Variants in TSPAN18 observed in about 807,000 individuals in gnomAD.
TSPAN18 encodes the protein tetraspanin-18.
In TSPAN18, 14 loss-of-function variants were observed where a neutral mutation model predicts 27.3. The ratio of observed to expected loss-of-function variants is 0.51; its 90% CI spans 0.34 to 0.80. The LOEUF is 0.80. TSPAN18 is among the 30% of genes least tolerant of loss of function. The pLI is 0.01. For missense variants in TSPAN18, 268 were observed against 323.9 expected (o/e 0.83, Z 1.32); for synonymous variants, 143 against 136.5 (o/e 1.05, Z -0.33).
chr11:44,759,155 G>A (rs1855395527), intron 1 of TSPAN18, among the ~76,000 whole-genome samples: 1 of 152,248 alleles, frequency 6.6e-6, no homozygotes, highest in Non-Finnish European at 1.5e-5. Context: ...AGTTGGCAAA[G>A]CAACTGCCCT....
intron 1 of TSPAN18, among the ~76,000 whole-genome samples, chr11:44,730,883 CA>C (rs1178159445): frequency 6.6e-6 from 1 of 152,202 alleles, no homozygotes; most frequent in African/African-American, 2.4e-5. Flanking sequence ...CTCGGCCTCC[CA>C]AAGTGCTGAG....
At chr11:44,743,187 A>T (rs892594755) in intron 1 of TSPAN18, among the ~76,000 whole-genome samples, 21 of 152,116 alleles carry the variant, frequency 1.4e-4, no homozygotes, top group African/African-American at 5.1e-4. Flanking sequence ...CTGGGCACAT[A>T]CGAATGCACT....
chr11:44,790,393 G>A (rs1228314222), intron 2 of TSPAN18, among the ~76,000 whole-genome samples: 1 of 149,430 alleles, frequency 6.7e-6, no homozygotes, highest in Non-Finnish European at 1.5e-5. Flanking sequence ...GTGTGCATGT[G>A]CTCTTGCTTG....
chr11:44,871,789 G>A (rs1858203215), intron 3 of TSPAN18, among the ~76,000 whole-genome samples: 1 of 152,206 alleles, frequency 6.6e-6, no homozygotes, highest in South Asian at 2.1e-4. Flanking sequence ...CTGCACACCT[G>A]CCTCAGGGAT....
chr11:44,898,412 G>A (rs1859142922), intron 3 of TSPAN18, among the ~76,000 whole-genome samples: 1 of 152,242 alleles, frequency 6.6e-6, no homozygotes, highest in Admixed American at 6.5e-5. Flanking sequence ...AGTTACACAA[G>A]AGCTGGATCT....
Position 44,769,577 on chromosome 11 carries a change from T to C in TSPAN18, c.-153+5065T>C, listed in dbSNP as rs191497749. On this transcript the variant is annotated intron_variant, in intron 2 of 9. Transcript: ENST00000520358. ...TGATTAGATTTCTTTAATATTAAGA[T>C]TGTCAATTTCTTTTTTGTGTGTGAG... is the stretch of plus-strand genomic sequence containing the variant. Among the ~76,000 whole-genome samples, 150 of 152,324 alleles carry C rather than the reference T, an allele frequency of 9.8e-4. 1 individual carries two copies. Among genetic ancestry groups the C allele is most frequent in the Non-Finnish European group, 4.4e-5 (3 of 68,028 alleles).
At chr11:44,904,741 C>T (rs1590662650) in intron 3 of TSPAN18, among the ~76,000 whole-genome samples, 6 of 152,334 alleles carry the variant, frequency 3.9e-5, no homozygotes, top group Admixed American at 3.9e-4. Context: ...CACCGCTCTG[C>T]TCCATCTGTT....
At chr11:44,765,149 G>A (rs1855537932) in intron 2 of TSPAN18, among the ~76,000 whole-genome samples, 2 of 152,144 alleles carry the variant, frequency 1.3e-5, no homozygotes, top group Admixed American at 1.3e-4. Flanking sequence ...AGCAGCCTCA[G>A]CCACCAATGT....
intron 2 of TSPAN18, among the ~76,000 whole-genome samples, chr11:44,829,893 G>A (rs906616953): frequency 2.6e-5 from 4 of 152,146 alleles, no homozygotes; most frequent in Admixed American, 1.3e-4. Flanking sequence ...GTATCATACT[G>A]TATGAAAAAG....
rs1465131480 is a variant in TSPAN18, at chr11:44,931,013, G to GC, written c.*1837dup. ...TGCGTCTGCCCCCTTCTGAGATGCA[G>GC]CCAGAAGCTCTGTGCCTGCTGCAAA... On this transcript the variant is annotated 3_prime_UTR_variant, in exon 10 of 10. Coordinates refer to ENST00000520358, the MANE Select transcript of TSPAN18 (RefSeq NM_130783.5). 6.5e-6 allele frequency: 3 copies of GC among 463,700 alleles called. No homozygotes were observed. The East Asian group carries it at 2.1e-4, about 32-fold the overall frequency. 28.7% of individuals were successfully genotyped at this position (463,700 alleles called of 1,614,324 possible). A position where few individuals can be genotyped will look rare whatever the true frequency, so the allele number is the denominator to read the frequency against.
intron 2 of TSPAN18, among the ~76,000 whole-genome samples, chr11:44,806,086 G>A (rs1856587830): frequency 1.3e-5 from 2 of 148,752 alleles, no homozygotes; most frequent in African/African-American, 5.0e-5. Flanking sequence ...CCAGGCTGGA[G>A]TGTAGTGGTG....
chr11:44,752,126 T>G (rs1442212301), intron 1 of TSPAN18, among the ~76,000 whole-genome samples: 1 of 152,196 alleles, frequency 6.6e-6, no homozygotes, highest in East Asian at 1.9e-4. Flanking sequence ...CAAGCTGAAG[T>G]GTCACATTAT....
At chr11:44,748,955 C>T (rs1320221639) in intron 1 of TSPAN18, among the ~76,000 whole-genome samples, 4 of 152,168 alleles carry the variant, frequency 2.6e-5, no homozygotes, top group Non-Finnish European at 2.9e-5. Flanking sequence ...TTGCAACAAC[C>T]CTACAGGTTA....
rs908059708 is a variant in TSPAN18 at position 44,821,025 on chromosome 11, T to A, written c.-152-39303T>A. Among the ~76,000 whole-genome samples the A allele has an allele frequency of 3.3e-5, 5 of 152,316 alleles. No individual in the cohort carries two copies. In the South Asian group the frequency reaches 8.3e-4, roughly 25 times the overall value. The stretch of plus-strand genomic sequence containing the variant: ...TAAATCAATTACCCAGTCTCAGGTA[T>A]TCCTCCAGAGCAATACATATGGACT... On this transcript the variant is annotated intron_variant, in intron 2 of 9. Coordinates refer to ENST00000520358, the MANE Select transcript of TSPAN18 (RefSeq NM_130783.5).
At position 44,926,671 on chromosome 11, in the gene TSPAN18, C is replaced by T. The variant is rs754833173; in HGVS notation, c.616-3C>T. On this transcript the variant is annotated splice_polypyrimidine_tract_variant and splice_region_variant and intron_variant, in intron 8 of 9. Coordinates refer to ENST00000520358, the MANE Select transcript of TSPAN18 (RefSeq NM_130783.5). ...AGCTTGACCTCTCATCCCTCCCTCC[C>T]AGGGCTGTTACACGGTGATCCTCAA... 6 of 1,613,984 alleles carry T rather than the reference C, an allele frequency of 3.7e-6. No homozygotes were observed. Among genetic ancestry groups the T allele is most frequent in the Non-Finnish European group, 4.2e-6 (5 of 1,179,968 alleles).
At chr11:44,841,700 A>C (rs922434589) in intron 2 of TSPAN18, among the ~76,000 whole-genome samples, 7 of 152,112 alleles carry the variant, frequency 4.6e-5, no homozygotes, top group African/African-American at 1.7e-4. Flanking sequence ...GTTCCATCTG[A>C]GAGGGAAGTA....
rs1187380012 is a variant in TSPAN18, at chr11:44,919,159, G to A, written c.334-55G>A. ...CAGGTGGATGGAGAGACGATGGAGG[G>A]TGGGGGCTGCACCCAACTGCCAGGC... On this transcript the variant is annotated intron_variant, in intron 6 of 9. Coordinates refer to ENST00000520358, the MANE Select transcript of TSPAN18 (RefSeq NM_130783.5). The A allele has an allele frequency of 1.5e-5, 21 of 1,395,454 alleles. No homozygotes were observed. In the Admixed American group the frequency reaches 3.5e-4, roughly 23 times the overall value. 86.4% of individuals were successfully genotyped at this position (1,395,454 alleles called of 1,614,324 possible).
chr11:44,734,276 C>T (rs762263049), intron 1 of TSPAN18, among the ~76,000 whole-genome samples: 4 of 152,200 alleles, frequency 2.6e-5, no homozygotes, highest in Non-Finnish European at 5.9e-5. Flanking sequence ...TTTGTAGCAA[C>T]ACACACGGAC....
At chr11:44,832,975 C>T (rs142845805) in intron 2 of TSPAN18, among the ~76,000 whole-genome samples, 124 of 152,222 alleles carry the variant, frequency 8.1e-4, no homozygotes, top group Non-Finnish European at 1.5e-3. Flanking sequence ...GTGCCTTTGC[C>T]CACACGCTGT....
Sources: gnomAD v4.1 joint callset for allele counts (sites outside exome capture counted in the v4.1 genomes callset) on GRCh38, gnomAD v4.1.1 for gene constraint, MANE v1.5 for transcripts, NCBI Gene and HGNC (gene_info 2026-07-23, HGNC 2026-07-21) for gene names.